The following METAP2 variants were observed in gnomAD, a reference collection of about 807,000 sequenced individuals.
METAP2 encodes the protein methionyl aminopeptidase 2, also known as methionine aminopeptidase 2.
METAP2 carries 25 observed loss-of-function variants against 59.4 expected under a neutral mutation model. The observed-to-expected ratio is 0.42, with a 90% confidence interval of 0.31 to 0.59. The LOEUF is 0.59. Ranked by LOEUF, METAP2 falls within the 20% of genes least tolerant of loss-of-function variation. The pLI, the probability that METAP2 is intolerant of heterozygous loss-of-function variation, is 0.16. For synonymous variants in METAP2, 214 were observed against 194.1 expected (o/e 1.10, Z -0.85); for missense variants, 366 against 581.2 (o/e 0.63, Z 3.81).
chr12:95,486,179 A>G (rs185587799), intron 4 of METAP2, among the ~76,000 whole-genome samples, 198 bp downstream of exon 4: 171 of 152,362 alleles, frequency 1.1e-3, no homozygotes, highest in African/African-American at 3.8e-3. Context: ...TAAAAAGTAT[A>G]TTAAACTGAG....
chr12:95,503,128 A>G (rs1399972708), intron 7 of METAP2, among the ~76,000 whole-genome samples: 1 of 151,584 alleles, frequency 6.6e-6, no homozygotes, highest in East Asian at 1.9e-4. Context: ...ATGCCTTGTG[A>G]CTTTATGTTG....
chr12:95,488,534 AAAAAAT>A (rs1219898033), intron 4 of METAP2, among the ~76,000 whole-genome samples: 6 of 134,692 alleles, frequency 4.5e-5, no homozygotes, highest in African/African-American at 1.6e-4. Flanking sequence ...AAAAAAAAAA[AAAAAAT>A]ACTTCTGAGT....
At chr12:95,513,118 C>G (rs527743708) in intron 10 of METAP2, among the ~76,000 whole-genome samples, 22 of 151,874 alleles carry the variant, frequency 1.4e-4, no homozygotes, top group Non-Finnish European at 2.5e-4. Context: ...CACACACACA[C>G]ACACACACAC....
intron 8 of METAP2, among the ~76,000 whole-genome samples, chr12:95,511,289 A>G (rs1270757540): frequency 1.3e-5 from 2 of 148,546 alleles, no homozygotes; most frequent in African/African-American, 5.0e-5. Context: ...TGTACATGGC[A>G]TTTTATTTGT....
chr12:95,497,836 A>T (rs1420577260), intron 7 of METAP2, among the ~76,000 whole-genome samples: 6 of 151,874 alleles, frequency 4.0e-5, no homozygotes, highest in South Asian at 2.1e-4. Flanking sequence ...TTTTTTAATT[A>T]AAAAATGTAG....
Position 95,513,994 on chromosome 12 carries a change from T to C in METAP2, c.*90T>C, listed in dbSNP as rs2076425185. On this transcript the variant is annotated 3_prime_UTR_variant, in exon 11 of 11. Coordinates refer to ENST00000323666, the MANE Select transcript of METAP2 (RefSeq NM_006838.4). ...ATTAATTTGCCACATGTTGTCTGTT[T>C]TAACAGTGGACCCATGTAATACTTT... 2 of 1,387,658 alleles carry C rather than the reference T, an allele frequency of 1.4e-6. No individual in the cohort carries two copies. The highest frequency in any genetic ancestry group is 4.6e-5 in the East Asian group (2 of 43,232). 86.0% of individuals were successfully genotyped at this position (1,387,658 alleles called of 1,614,324 possible).
intron 2 of METAP2, among the ~76,000 whole-genome samples, chr12:95,481,953 C>T (rs1415929410): frequency 6.6e-6 from 1 of 152,188 alleles, no homozygotes; most frequent in Non-Finnish European, 1.5e-5. Context: ...TATTGCCTGG[C>T]ACTTAAGAGC....
chr12:95,483,408 G>C lies in METAP2; in HGVS notation c.325+128G>C, dbSNP rs898406156. 6 of 645,750 alleles carry C rather than the reference G, an allele frequency of 9.3e-6. No individual in the cohort carries two copies. The Admixed American group carries it at 1.2e-4, about 13-fold the overall frequency. 40.0% of individuals were successfully genotyped at this position (645,750 alleles called of 1,614,324 possible). ...GGAGAATTGCTGGAACCCAAGAGAC[G>C]GAGATTGCAGTAAGCTGAGATTGTG... On this transcript the variant is annotated intron_variant, in intron 3 of 10. Coordinates refer to ENST00000323666, the MANE Select transcript of METAP2 (RefSeq NM_006838.4).
rs1357697325 is a variant in METAP2, at chr12:95,498,404, G to A, written c.867+2306G>A. 5.3e-5 allele frequency among the ~76,000 whole-genome samples: 8 copies of A among 152,098 alleles called. No individual in the cohort carries two copies. In the South Asian group the frequency reaches 8.3e-4, roughly 16 times the overall value. On this transcript the variant is annotated intron_variant, in intron 7 of 10. Coordinates refer to ENST00000323666, the MANE Select transcript of METAP2 (RefSeq NM_006838.4). Reference sequence around the variant, plus strand: ...ATATTGTGGGTTACCTTTTTACTCCGGATATTGTGTTTTGAAGCATAAAAT... The same window carrying A: ...ATATTGTGGGTTACCTTTTTACTCCAGATATTGTGTTTTGAAGCATAAAAT...
rs149878888 is a variant in METAP2, at chr12:95,483,210, C to T, written c.260-5C>T. 3.7e-6 allele frequency: 6 copies of T among 1,610,258 alleles called. No homozygotes were observed. Among genetic ancestry groups the T allele is most frequent in the Non-Finnish European group, 5.1e-6 (6 of 1,176,586 alleles). ...TGAACATGTACTTGAAATGTCTTTT[C>T]TTAGATGGAGATGGCGATGGAGATG... is the stretch of plus-strand genomic sequence containing the variant. On this transcript the variant is annotated splice_region_variant and splice_polypyrimidine_tract_variant and intron_variant, in intron 2 of 10. Coordinates refer to ENST00000323666, the MANE Select transcript of METAP2 (RefSeq NM_006838.4).
chr12:95,507,727 T>TGGA (rs2140164217), intron 8 of METAP2, among the ~76,000 whole-genome samples: 1 of 152,134 alleles, frequency 6.6e-6, no homozygotes, highest in East Asian at 1.9e-4. Context: ...AAAGCACATG[T>TGGA]GGAGGAGAAT....
chr12:95,503,225 G>T (rs1278955965), intron 7 of METAP2, among the ~76,000 whole-genome samples: 4 of 151,834 alleles, frequency 2.6e-5, no homozygotes, highest in Admixed American at 1.3e-4. Context: ...TTTTGTGTTG[G>T]TTTTTTTGTT....
chr12:95,480,118 C>T (rs2076148322), intron 2 of METAP2, among the ~76,000 whole-genome samples: 1 of 152,146 alleles, frequency 6.6e-6, no homozygotes, highest in African/African-American at 2.4e-5. Flanking sequence ...TTTGGCCTTT[C>T]CTGGAGTATC....
intron 8 of METAP2, among the ~76,000 whole-genome samples, chr12:95,504,405 A>G (rs75998752): frequency 0.069 from 10,576 of 152,254 alleles, 486 homozygotes; most frequent in Admixed American, 0.15. Context: ...ATGTGCAGCC[A>G]GTTTTCTGTG....
At chr12:95,495,186 A>G in intron 6 of METAP2, 48 bp downstream of exon 6, 1 of 1,490,826 alleles carries the variant, frequency 6.7e-7, no homozygotes, top group Non-Finnish European at 9.2e-7. Context: ...CTGAAAAACT[A>G]GTTTTTGTCT....
chr12:95,487,689 A>G (rs2076207747), intron 4 of METAP2, among the ~76,000 whole-genome samples: 1 of 150,010 alleles, frequency 6.7e-6, no homozygotes, highest in Non-Finnish European at 1.5e-5. Context: ...CTATGCTCAT[A>G]TATGTATACA....
chr12:95,493,443 C>T (rs1285484876), intron 4 of METAP2, among the ~76,000 whole-genome samples: 1 of 152,204 alleles, frequency 6.6e-6, no homozygotes, highest in African/African-American at 2.4e-5. Context: ...ATCACTGCAT[C>T]TGCCTGGGTA....
At position 95,515,579 on chromosome 12, in the gene METAP2, T is replaced by A. The variant is rs1260854620; in HGVS notation, c.*1675T>A. On this transcript the variant is annotated 3_prime_UTR_variant, in exon 11 of 11. Coordinates refer to ENST00000323666, the MANE Select transcript of METAP2 (RefSeq NM_006838.4). ...GAGCTTTTAAAGACCTTGGCAGTCA[T>A]GATCTCAAACCAATTAGGAGCTCCA... 1 of 152,244 alleles carries A rather than the reference T, an allele frequency of 6.6e-6. No individual in the cohort carries two copies. Among genetic ancestry groups the A allele is most frequent in the Admixed American group, 6.5e-5 (1 of 15,284 alleles). The allele number at this position is 152,244 out of a possible 1,614,324, so 9.4% of individuals were successfully genotyped here.
intron 4 of METAP2, among the ~76,000 whole-genome samples, chr12:95,489,511 T>G (rs573531312): frequency 2.0e-5 from 3 of 152,234 alleles, no homozygotes; most frequent in Non-Finnish European, 4.4e-5. Context: ...ATATAACCAG[T>G]TTTGACTATT....
Sources: allele counts gnomAD v4.1 joint callset (sites outside exome capture counted in the v4.1 genomes callset), GRCh38; gene constraint gnomAD v4.1.1; transcripts MANE v1.5; gene names NCBI Gene and HGNC (gene_info 2026-07-23, HGNC 2026-07-21).